The following PDSS2 variants were observed in gnomAD, a reference collection of about 807,000 sequenced individuals.
The protein encoded by PDSS2 is all trans-polyprenyl-diphosphate synthase PDSS2.
PDSS2 carries 31 observed loss-of-function variants against 44.5 expected under a neutral mutation model. The ratio of observed to expected loss-of-function variants is 0.70; its 90% CI spans 0.52 to 0.94. The LOEUF (loss-of-function observed/expected upper bound fraction) is 0.94. Ranked by LOEUF, PDSS2 falls within the 40% of genes least tolerant of loss-of-function variation. The probability of loss-of-function intolerance (pLI) is 0.00; values close to 1 mark genes in which losing one functional copy is unlikely to be tolerated. For synonymous variants in PDSS2, 157 were observed against 180.3 expected, an observed-to-expected ratio of 0.87 and a Z score of 1.03; for missense variants, 452 against 482.2, an observed-to-expected ratio of 0.94 and a Z score of 0.59.
intron 7 of PDSS2, among the ~76,000 whole-genome samples, chr6:107,185,774 A>G (rs1052352815): frequency 1.4e-4 from 22 of 152,304 alleles, no homozygotes; most frequent in Admixed American, 2.6e-4. Flanking sequence ...CTACAATTCA[A>G]TAGGTGGCAC....
chr6:107,431,407 G>C (rs1781189789), intron 1 of PDSS2, among the ~76,000 whole-genome samples: 1 of 152,062 alleles, frequency 6.6e-6, no homozygotes, highest in Admixed American at 6.6e-5. Context: ...ATGCCACCAT[G>C]CCCGGCTAAT....
At chr6:107,362,057 A>T (rs557854360) in intron 1 of PDSS2, among the ~76,000 whole-genome samples, 1 of 152,232 alleles carries the variant, frequency 6.6e-6, no homozygotes, top group South Asian at 2.1e-4. Context: ...GTGGCATCAC[A>T]AGCCTGAATA....
chr6:107,418,931 G>T (rs1780744574), intron 1 of PDSS2, among the ~76,000 whole-genome samples: 1 of 151,852 alleles, frequency 6.6e-6, no homozygotes, highest in Non-Finnish European at 1.5e-5. Context: ...TTCTATTGTT[G>T]CATGCTAATT....
chr6:107,243,538 ATATCT>A (rs1318852921), intron 4 of PDSS2, among the ~76,000 whole-genome samples: 1 of 152,252 alleles, frequency 6.6e-6, no homozygotes, highest in African/African-American at 2.4e-5. Context: ...TGAAATATAG[ATATCT>A]TATATGGAAC....
At chr6:107,411,879 C>CTTTTTTTTTT (rs145161415) in intron 1 of PDSS2, among the ~76,000 whole-genome samples, 1 of 93,882 alleles carries the variant, frequency 1.1e-5, no homozygotes, top group African/African-American at 4.0e-5. Context: ...TCTTCTTCTT[C>CTTTTTTTTTT]TTTTTTTTTT....
chr6:107,364,592 C>T (rs867566645), intron 1 of PDSS2, among the ~76,000 whole-genome samples: 2 of 152,246 alleles, frequency 1.3e-5, no homozygotes, highest in South Asian at 4.1e-4. Flanking sequence ...CCCGCAAGCG[C>T]TGCACGCAGT....
intron 1 of PDSS2, among the ~76,000 whole-genome samples, chr6:107,381,987 T>C (rs944774754): frequency 4.6e-5 from 7 of 152,188 alleles, no homozygotes; most frequent in African/African-American, 1.7e-4. Flanking sequence ...TATAACTAGT[T>C]GAGAAATTTG....
chr6:107,230,047 G>T, intron 4 of PDSS2: 1 of 201,426 alleles, frequency 5.0e-6, no homozygotes, highest in South Asian at 9.8e-5. Context: ...TAGCCTGTGT[G>T]AGAAGAAAAA....
At chr6:107,348,547 ATTAAAC>A (rs754854424) in intron 1 of PDSS2, among the ~76,000 whole-genome samples, 9 of 152,234 alleles carry the variant, frequency 5.9e-5, no homozygotes, top group Non-Finnish European at 1.3e-4. Context: ...TCACTGGAAT[ATTAAAC>A]TTAAATCAAA....
chr6:107,340,588 A>T (rs1162576405), intron 1 of PDSS2, among the ~76,000 whole-genome samples: 3 of 152,242 alleles, frequency 2.0e-5, no homozygotes, highest in African/African-American at 4.8e-5. Context: ...AGTAGATTCA[A>T]AGTATGGTTA....
At chr6:107,429,355 T>C (rs1373246509) in intron 1 of PDSS2, among the ~76,000 whole-genome samples, 1 of 152,084 alleles carries the variant, frequency 6.6e-6, no homozygotes, top group Non-Finnish European at 1.5e-5. Flanking sequence ...TAATACAACA[T>C]ACAAGAGCAG....
At chr6:107,413,663 C>A (rs1780571101) in intron 1 of PDSS2, among the ~76,000 whole-genome samples, 1 of 152,212 alleles carries the variant, frequency 6.6e-6, no homozygotes, top group South Asian at 2.1e-4. Context: ...CAAGGTTTCA[C>A]CATGTTGGCC....
At chr6:107,332,656 A>C (rs564192410) in intron 2 of PDSS2, among the ~76,000 whole-genome samples, 34 of 152,174 alleles carry the variant, frequency 2.2e-4, no homozygotes, top group African/African-American at 8.2e-4. Flanking sequence ...GGAACATGAG[A>C]ACTACAGTTA....
chr6:107,447,115 C>T (rs914423737), intron 1 of PDSS2, among the ~76,000 whole-genome samples: 11 of 152,022 alleles, frequency 7.2e-5, no homozygotes, highest in South Asian at 2.1e-4. Flanking sequence ...AGGCGGATCA[C>T]GAGGTCAGGA....
intron 4 of PDSS2, among the ~76,000 whole-genome samples, chr6:107,225,155 ATATATATTTTTTTT>A (rs1773761767): frequency 2.1e-4 from 11 of 51,450 alleles, no homozygotes; most frequent in Non-Finnish European, 2.7e-4. Context: ...ATATATATAT[ATATATATTTTTTTT>A]TTTTTTTTTT....
intron 4 of PDSS2, among the ~76,000 whole-genome samples, chr6:107,218,407 T>C (rs1773490000): frequency 1.3e-5 from 2 of 152,208 alleles, no homozygotes; most frequent in African/African-American, 4.8e-5. Context: ...TTTGCATGGC[T>C]AGATTTCTCA....
chr6:107,341,179 T>C (rs879601839), intron 1 of PDSS2, among the ~76,000 whole-genome samples: 1 of 151,542 alleles, frequency 6.6e-6, no homozygotes, highest in African/African-American at 2.4e-5. Flanking sequence ...GTAGTGGCAA[T>C]AGGGATGGGG....
intron 1 of PDSS2, among the ~76,000 whole-genome samples, chr6:107,433,137 CCA>C (rs1781244332): frequency 6.6e-6 from 1 of 151,994 alleles, no homozygotes; most frequent in Admixed American, 6.5e-5. Flanking sequence ...AAGCTCCACC[CCA>C]GTTTTTTCCT....
Position 107,412,367 on chromosome 6 carries a change from T to C in PDSS2, c.296+46623A>G, listed in dbSNP as rs1238956337. Among the ~76,000 whole-genome samples, 3 of 151,160 alleles carry C rather than the reference T, an allele frequency of 2.0e-5. No individual in the cohort carries two copies. In the East Asian group the frequency reaches 5.9e-4, roughly 30 times the overall value. The stretch of plus-strand genomic sequence containing the variant: ...GATTCTCCTGCCTCAGCCTCCCAAG[T>C]AGCTGGGAGTACAGGCACCCGCCAC... On this transcript the variant is annotated intron_variant, in intron 1 of 7. Coordinates refer to ENST00000369037, the MANE Select transcript of PDSS2 (RefSeq NM_020381.4).
Sources: gnomAD v4.1 joint callset for allele counts (sites outside exome capture counted in the v4.1 genomes callset) on GRCh38, gnomAD v4.1.1 for gene constraint, MANE v1.5 for transcripts, NCBI Gene and HGNC (gene_info 2026-07-23, HGNC 2026-07-21) for gene names.